Variants in SLC25A25 observed in about 807,000 individuals in gnomAD.
SLC25A25 encodes mitochondrial adenyl nucleotide antiporter SLC25A25.
A neutral mutation model predicts 57.7 loss-of-function variants in SLC25A25; 32 were observed. The observed-to-expected ratio is 0.55, with a 90% CI of 0.42 to 0.74. SLC25A25 has a LOEUF of 0.74. Ranked by LOEUF, SLC25A25 falls within the 30% of genes least tolerant of loss-of-function variation. The pLI is 0.00. For synonymous variants in SLC25A25, 306 were observed against 291.2 expected, an observed-to-expected ratio of 1.05 and a Z score of -0.52; for missense variants, 556 against 701.3, an observed-to-expected ratio of 0.79 and a Z score of 2.34.
At chr9:128,106,556 C>G (rs778219390) in intron 9 of SLC25A25, 36 bp downstream of exon 9, 1 of 1,540,284 alleles carries the variant, frequency 6.5e-7, no homozygotes, top group South Asian at 1.2e-5. Flanking sequence ...GAAACCTCCT[C>G]CCAGCACACC....
intron 9 of SLC25A25, 22 bp from the exon 10 acceptor site, chr9:128,107,007 C>G: frequency 6.2e-7 from 1 of 1,610,682 alleles, no homozygotes; most frequent in Non-Finnish European, 8.5e-7. Context: ...AGGGCTTATC[C>G]CATGCTCCCT....
rs772133742 is a variant in SLC25A25, at chr9:128,101,067, A to C, written c.262-29A>C. On this transcript the variant is annotated intron_variant, in intron 1 of 10. Transcript: ENST00000373069. The surrounding 1 kb of genome is among the most constrained non-coding windows in gnomAD (Gnocchi z 4.9). ...CAAGGAAAGGCTGGTCCAGGAGCCAAAAGACAAAATGTTACCTTTCTTTTC... is the reference window on the plus strand; with the variant it reads ...CAAGGAAAGGCTGGTCCAGGAGCCACAAGACAAAATGTTACCTTTCTTTTC... 1 of 1,613,530 alleles carries C rather than the reference A, an allele frequency of 6.2e-7. No homozygotes were observed. Among genetic ancestry groups the C allele is most frequent in the Non-Finnish European group, 8.5e-7 (1 of 1,179,834 alleles).
Position 128,106,403 on chromosome 9 carries a change from G to A in SLC25A25, c.1095G>A (p.Met365Ile). 6.2e-7 allele frequency: 1 copy of A among 1,613,776 alleles called. No homozygotes were observed. The highest frequency in any genetic ancestry group is 8.5e-7 in the Non-Finnish European group (1 of 1,179,920). ...GGAAGACAGGCCAGTACTCAGGAAT[G>A]CTGGACTGCGCCAGGAGGATCCTGG... ...ALRKTGQYSGMLDCARRILAR... is the reference protein window; with the variant it reads ...ALRKTGQYSGILDCARRILAR... The change falls in exon 9 of 11, where the codon ATG becomes ATA. Residue 365 changes from methionine (M) to isoleucine (I), a missense_variant. By Grantham distance (10) the Met-to-Ile change is conservative (BLOSUM62 1). This residue lies in a region of SLC25A25 where 294 missense variants were observed against 389.6 expected (regional missense o/e 0.75). Coordinates refer to ENST00000373069, the MANE Select transcript of SLC25A25 (RefSeq NM_001330988.2).
At chr9:128,075,867 GTTA>G (rs1564177683) in intron 1 of SLC25A25, among the ~76,000 whole-genome samples, 1 of 152,044 alleles carries the variant, frequency 6.6e-6, no homozygotes, top group Non-Finnish European at 1.5e-5. Flanking sequence ...ACAAAAAAGA[GTTA>G]TTACTTGTTG....
intron 1 of SLC25A25, chr9:128,098,310 C>G: frequency 2.3e-6 from 1 of 431,440 alleles, no homozygotes; most frequent in African/African-American, 2.0e-5. Context: ...GGAGCGGTGA[C>G]GTCAGCCCTG....
intron 1 of SLC25A25, chr9:128,098,737 G>A: frequency 6.2e-7 from 1 of 1,612,866 alleles, no homozygotes; most frequent in African/African-American, 1.3e-5. Flanking sequence ...TCTGTGGGGT[G>A]ACCGCGCGGA....
intron 1 of SLC25A25, among the ~76,000 whole-genome samples, chr9:128,082,190 A>G (rs1422254830): frequency 6.6e-6 from 1 of 152,208 alleles, no homozygotes; most frequent in East Asian, 1.9e-4. Context: ...CCACAGTTAC[A>G]GGAGTTTTCT....
At chr9:128,096,704 G>C (rs1414006967) in intron 1 of SLC25A25, among the ~76,000 whole-genome samples, 2 of 152,214 alleles carry the variant, frequency 1.3e-5, no homozygotes, top group African/African-American at 4.8e-5. Context: ...ATCAAGGCAG[G>C]AGGTTATTTC....
chr9:128,106,500 A>T lies in SLC25A25; in HGVS notation c.1192A>T (p.Ile398Phe). ...GCTGGGCATCATCCCCTATGCCGGC[A>T]TCGACCTTGCAGTCTACGAGGTGAG... ...NMLGIIPYAG[I>F]DLAVYETLKN... The change falls in exon 9 of 11, where the codon ATC (isoleucine) becomes TTC (phenylalanine). Residue 398 changes from isoleucine to phenylalanine, a missense_variant. Transcript: ENST00000373069. 6.2e-7 allele frequency: 1 copy of T among 1,609,146 alleles called. No individual in the cohort carries two copies. Among genetic ancestry groups the T allele is most frequent in the Non-Finnish European group, 8.5e-7 (1 of 1,179,088 alleles).
At chr9:128,073,868 G>T (rs1832955005) in intron 1 of SLC25A25, among the ~76,000 whole-genome samples, 1 of 151,744 alleles carries the variant, frequency 6.6e-6, no homozygotes, top group Non-Finnish European at 1.5e-5. Context: ...GGTGTAGCTG[G>T]GATTACAGGC....
At chr9:128,072,514 T>C (rs1356633477) in intron 1 of SLC25A25, among the ~76,000 whole-genome samples, 1 of 152,228 alleles carries the variant, frequency 6.6e-6, no homozygotes, top group Non-Finnish European at 1.5e-5. Flanking sequence ...TCTTAGCTTA[T>C]AACAGTCTGG....
intron 1 of SLC25A25, among the ~76,000 whole-genome samples, chr9:128,070,828 G>A (rs1339629530): frequency 3.3e-5 from 5 of 151,750 alleles, no homozygotes; most frequent in Admixed American, 3.3e-4. Context: ...GCGCATGCCT[G>A]TAATTCCAGT....
At chr9:128,104,894 T>C (rs1200841005) in intron 6 of SLC25A25, among the ~76,000 whole-genome samples, 6 of 150,382 alleles carry the variant, frequency 4.0e-5, no homozygotes, top group Non-Finnish European at 8.9e-5. Context: ...TCTCGCTCTG[T>C]CACCCAGGCT....
chr9:128,100,286 G>C (rs148513505), intron 1 of SLC25A25, among the ~76,000 whole-genome samples: 1 of 152,188 alleles, frequency 6.6e-6, no homozygotes, highest in Non-Finnish European at 1.5e-5. Context: ...TCGTGGAGCT[G>C]TCCCAGTTGC....
At position 128,108,402 on chromosome 9, in the gene SLC25A25, C is replaced by T. The variant is rs1319511383; in HGVS notation, c.*958C>T. On this transcript the variant is annotated 3_prime_UTR_variant, in exon 11 of 11. Transcript: ENST00000373069. The stretch of plus-strand genomic sequence containing the variant: ...CCAGAGGAAGACGAGGGAGCAGGAG[C>T]TTGGCTGACTGCTCAGAGTCTGTTC... 2 of 397,276 alleles carry T rather than the reference C, an allele frequency of 5.0e-6. No homozygotes were observed. Among genetic ancestry groups the T allele is most frequent in the South Asian group, 1.4e-4 (1 of 7,004 alleles). 24.6% of individuals were successfully genotyped at this position (397,276 alleles called of 1,614,324 possible).
chr9:128,106,794 C>A (rs1834059111), intron 9 of SLC25A25, among the ~76,000 whole-genome samples: 1 of 152,168 alleles, frequency 6.6e-6, no homozygotes, highest in South Asian at 2.1e-4. Flanking sequence ...CAGGCCCCAG[C>A]ACACTCTAGA....
At chr9:128,075,607 T>G (rs1832993827) in intron 1 of SLC25A25, among the ~76,000 whole-genome samples, 1 of 152,112 alleles carries the variant, frequency 6.6e-6, no homozygotes, top group African/African-American at 2.4e-5. Context: ...TTTGGGAGGC[T>G]GAGGCAGGCA....
intron 1 of SLC25A25, among the ~76,000 whole-genome samples, chr9:128,100,437 G>A (rs1366318898): frequency 3.9e-5 from 6 of 152,166 alleles, no homozygotes; most frequent in African/African-American, 1.4e-4. Flanking sequence ...GTGAGCGGGA[G>A]AGCCAGGGCA....
At position 128,107,491 on chromosome 9, in the gene SLC25A25, GC is replaced by G; in HGVS notation, c.*49del. On this transcript the variant is annotated 3_prime_UTR_variant, in exon 11 of 11. Coordinates refer to ENST00000373069, the MANE Select transcript of SLC25A25 (RefSeq NM_001330988.2). ...GTGGACTCGCTGATCCTGGGCCGCA[GC>G]CTGGGGTGTGCAGCCATCTCATTCT... 1 of 1,497,466 alleles carries G rather than the reference GC, an allele frequency of 6.7e-7. No homozygotes were observed. The highest frequency in any genetic ancestry group is 8.9e-7 in the Non-Finnish European group (1 of 1,122,520). The allele number at this position is 1,497,466 out of a possible 1,614,324, so 92.8% of individuals were successfully genotyped here. A position where few individuals can be genotyped will look rare whatever the true frequency, so the allele number is the denominator to read the frequency against.
Sources: gnomAD v4.1 joint callset for allele counts (sites outside exome capture counted in the v4.1 genomes callset) on GRCh38, gnomAD v4.1.1 for gene constraint, gnomAD v4.1.1 regional missense constraint, Gnocchi (gnomAD v3.1) non-coding constraint, MANE v1.5 for transcripts, NCBI Gene and HGNC (gene_info 2026-07-23, HGNC 2026-07-21) for gene names.